TRDN: variants seen among roughly 807,000 people sequenced by gnomAD.
TRDN encodes triadin in skeletal muscle.
A neutral mutation model predicts 149.7 loss-of-function variants in TRDN; 161 were observed. The ratio of observed to expected loss-of-function variants is 1.08; its 90% confidence interval spans 0.95 to 1.23. The LOEUF (loss-of-function observed/expected upper bound fraction) is 1.23, where lower values mean the gene tolerates loss of function less well. Ranked by LOEUF, TRDN falls within the 50% of genes most tolerant of loss-of-function variation. TRDN has a pLI of 0.00. For missense variants in TRDN, 896 were observed against 823.5 expected (o/e 1.09, Z -1.08); for synonymous variants, 294 against 250.5 (o/e 1.17, Z -1.64).
intron 10 of TRDN, chr6:123,441,256 C>T (rs1409785545): frequency 6.6e-6 from 1 of 151,886 alleles, no homozygotes; most frequent in Non-Finnish European, 1.5e-5. Context: ...ACTTCCTTGC[C>T]CCTGACTTTT....
At chr6:123,436,616 C>G (rs1007934757) in intron 12 of TRDN, among the ~76,000 whole-genome samples, 4 of 151,984 alleles carry the variant, frequency 2.6e-5, no homozygotes, top group African/African-American at 9.7e-5. Flanking sequence ...ATCATTTTTT[C>G]CACATACATT....
At chr6:123,633,731 A>AT (rs1786137963) in intron 1 of TRDN, among the ~76,000 whole-genome samples, 6 of 152,024 alleles carry the variant, frequency 3.9e-5, no homozygotes, top group Non-Finnish European at 8.8e-5. Context: ...CTGAAACACA[A>AT]TTCTGTATTT....
intron 5 of TRDN, among the ~76,000 whole-genome samples, chr6:123,516,937 T>A (rs569984537): frequency 6.6e-6 from 1 of 152,234 alleles, no homozygotes; most frequent in African/African-American, 2.4e-5. Flanking sequence ...TTCCTCTTCC[T>A]CATTTTCTTT....
At chr6:123,372,830 T>C (rs1781370797) in intron 19 of TRDN, among the ~76,000 whole-genome samples, 1 of 152,168 alleles carries the variant, frequency 6.6e-6, no homozygotes, top group Non-Finnish European at 1.5e-5. Context: ...TCAACCTCTG[T>C]GTTGCTATCC....
At chr6:123,374,785 A>G (rs1781447137) in intron 19 of TRDN, among the ~76,000 whole-genome samples, 1 of 151,010 alleles carries the variant, frequency 6.6e-6, no homozygotes, top group African/African-American at 2.4e-5. Flanking sequence ...AAAAACAAAA[A>G]CAAAAACAAA....
intron 1 of TRDN, among the ~76,000 whole-genome samples, chr6:123,573,989 T>A (rs984731437): frequency 3.9e-5 from 6 of 151,916 alleles, no homozygotes; most frequent in African/African-American, 1.4e-4. Flanking sequence ...ATCCTTCTCT[T>A]TACAAAAATG....
chr6:123,628,740 T>C (rs954163551), intron 1 of TRDN, among the ~76,000 whole-genome samples: 1 of 152,166 alleles, frequency 6.6e-6, no homozygotes, highest in African/African-American at 2.4e-5. Context: ...CTTTTCTTTT[T>C]GTTTTGCAAT....
At chr6:123,451,458 G>A (rs1052485955) in intron 10 of TRDN, among the ~76,000 whole-genome samples, 1 of 152,044 alleles carries the variant, frequency 6.6e-6, no homozygotes, top group Admixed American at 6.6e-5. Flanking sequence ...GATCACTCAA[G>A]GCTATTATGA....
intron 16 of TRDN, among the ~76,000 whole-genome samples, chr6:123,378,987 A>G (rs952468392): frequency 6.6e-6 from 1 of 152,190 alleles, no homozygotes; most frequent in Non-Finnish European, 1.5e-5. Context: ...GCTATCATCT[A>G]CATTTCTATT....
intron 1 of TRDN, among the ~76,000 whole-genome samples, chr6:123,622,393 A>C (rs911568475): frequency 7.2e-5 from 11 of 151,918 alleles, no homozygotes; most frequent in Admixed American, 2.6e-4. Context: ...GTTAATCAAC[A>C]ATGTTTTTGG....
intron 32 of TRDN, among the ~76,000 whole-genome samples, chr6:123,266,139 G>A (rs1554218748): frequency 9.3e-6 from 1 of 107,050 alleles, no homozygotes; most frequent in South Asian, 2.6e-4. Flanking sequence ...ATTATAATAT[G>A]TATTATATAT....
chr6:123,397,902 A>G (rs1277799234), intron 12 of TRDN, among the ~76,000 whole-genome samples: 2 of 152,252 alleles, frequency 1.3e-5, no homozygotes, highest in African/African-American at 4.8e-5. Flanking sequence ...GATTCAAATT[A>G]TGAATCAAAT....
chr6:123,222,129 G>A (rs542124363), intron 39 of TRDN, among the ~76,000 whole-genome samples: 1 of 151,728 alleles, frequency 6.6e-6, no homozygotes, highest in South Asian at 2.1e-4. Context: ...TTCTTAACTG[G>A]TATCCACGAA....
At chr6:123,260,091 G>A (rs1582789686) in intron 34 of TRDN, among the ~76,000 whole-genome samples, 1 of 151,696 alleles carries the variant, frequency 6.6e-6, no homozygotes, top group Non-Finnish European at 1.5e-5. Flanking sequence ...GCATGACCCT[G>A]CTACCCACTT....
chr6:123,589,941 G>GT (rs1783700638), intron 1 of TRDN, among the ~76,000 whole-genome samples: 1 of 151,914 alleles, frequency 6.6e-6, no homozygotes, highest in Admixed American at 6.6e-5. Context: ...GAAGCAACCT[G>GT]TTTTTTAAAA....
At chr6:123,373,390 G>A (rs1362365074) in intron 19 of TRDN, among the ~76,000 whole-genome samples, 1 of 152,118 alleles carries the variant, frequency 6.6e-6, no homozygotes, top group African/African-American at 2.4e-5. Context: ...GCCATGTGGG[G>A]CTGTCAGTTC....
chr6:123,253,336 C>T (rs1776443918), intron 37 of TRDN, among the ~76,000 whole-genome samples: 1 of 151,964 alleles, frequency 6.6e-6, no homozygotes, highest in African/African-American at 2.4e-5. Context: ...GATTTTTAAG[C>T]TACCTGTATT....
chr6:123,310,459 A>C (rs1778778501), intron 24 of TRDN, among the ~76,000 whole-genome samples: 1 of 152,062 alleles, frequency 6.6e-6, no homozygotes, highest in African/African-American at 2.4e-5. Context: ...CTTATTGCAA[A>C]ATACTTTTTT....
At position 123,626,489 on chromosome 6, in the gene TRDN, A is replaced by G. The variant is rs141751724; in HGVS notation, c.22+10265T>C. 3.7e-3 allele frequency among the ~76,000 whole-genome samples: 556 copies of G among 152,166 alleles called. 2 individuals carry two copies. The highest frequency in any genetic ancestry group is 0.01 in the Middle Eastern group (3 of 294). On this transcript the variant is annotated intron_variant, in intron 1 of 40. Coordinates refer to ENST00000334268, the MANE Select transcript of TRDN (RefSeq NM_006073.4). ...GCTCAAAAGAAAAAAAAACAACAAC[A>G]AAAAAGTCACTCTTCATCCATTCAA...
Sources: gnomAD v4.1 joint callset for allele counts (sites outside exome capture counted in the v4.1 genomes callset) on GRCh38, gnomAD v4.1.1 for gene constraint, MANE v1.5 for transcripts, NCBI Gene and HGNC (gene_info 2026-07-23, HGNC 2026-07-21) for gene names.